The following FRMPD4 variants were observed in gnomAD, a reference collection of about 807,000 sequenced individuals.
FRMPD4 encodes the protein FERM and PDZ domain containing 4.
In FRMPD4, 22 loss-of-function variants were observed where a neutral mutation model predicts 94.1. The ratio of observed to expected loss-of-function variants is 0.23; its 90% CI spans 0.17 to 0.33. The LOEUF is 0.33. FRMPD4 is among the 10% of genes least tolerant of loss of function. The probability of loss-of-function intolerance (pLI) is 1.00; values close to 1 mark genes in which losing one functional copy is unlikely to be tolerated. For missense variants in FRMPD4, 1,111 were observed against 1,339.9 expected (o/e 0.83, Z 2.67); for synonymous variants, 631 against 548.6 (o/e 1.15, Z -2.10).
chrX:12,306,401 C>A (rs1160810562), intron 1 of FRMPD4, among the ~76,000 whole-genome samples: 2 of 111,967 alleles, frequency 1.8e-5, no homozygotes, highest in Non-Finnish European at 3.8e-5. Context: ...CAGTGACGAG[C>A]ATTTAGGAAA....
At position 12,213,567 on chromosome X, in the gene FRMPD4, C is replaced by T. The variant is rs140934785; in HGVS notation, c.41+74555C>T. 1.9e-3 allele frequency among the ~76,000 whole-genome samples: 212 copies of T among 111,968 alleles called. 1 individual carries two copies. Among genetic ancestry groups the T allele is most frequent in the African/African-American group, 6.5e-3 (202 of 30,898 alleles). On this transcript the variant is annotated intron_variant, in intron 1 of 16. Transcript: ENST00000675598. ...TGGCTCAATTTTTGTTTGTAGGTTC[C>T]TAATGACTGATGGACATTTAATCAT...
chrX:12,039,580 A>C (rs1218949263), intron 3 of FRMPD4, among the ~76,000 whole-genome samples: 1 of 111,133 alleles, frequency 9.0e-6, no homozygotes, highest in Non-Finnish European at 1.9e-5. Context: ...TTGTTGGAGA[A>C]CATACATTAA....
chrX:12,494,672 G>T (rs185657434), intron 1 of FRMPD4, among the ~76,000 whole-genome samples: 5 of 111,856 alleles, frequency 4.5e-5, no homozygotes, highest in Non-Finnish European at 7.5e-5. Flanking sequence ...TTAGAGGCAT[G>T]AACGCAGGAG....
chrX:12,316,341 C>T (rs189798215), intron 1 of FRMPD4, among the ~76,000 whole-genome samples: 27 of 109,055 alleles, frequency 2.5e-4, no homozygotes, highest in Non-Finnish European at 4.6e-4. Context: ...TTAGTAGAGA[C>T]GAGGTTTCAC....
At position 12,722,518 on chromosome X, in the gene FRMPD4, A is replaced by T. The variant is rs1305085582; in HGVS notation, c.*660A>T. 8.9e-6 allele frequency: 1 copy of T among 111,861 alleles called. No individual in the cohort carries two copies. Among genetic ancestry groups the T allele is most frequent in the Non-Finnish European group, 1.9e-5 (1 of 53,181 alleles). 9.2% of individuals were successfully genotyped at this position (111,861 alleles called of 1,213,427 possible). On this transcript the variant is annotated 3_prime_UTR_variant, in exon 17 of 17. Coordinates refer to ENST00000675598, the MANE Select transcript of FRMPD4 (RefSeq NM_001368397.1). ...GGATGGATTCTACTGTGTCAGCACA[A>T]ATGCTCTTCACAGTGGTTCTAGCAT...
chrX:12,210,217 T>A (rs1034612380), intron 1 of FRMPD4, among the ~76,000 whole-genome samples: 9 of 112,367 alleles, frequency 8.0e-5, no homozygotes, highest in African/African-American at 2.9e-4. Flanking sequence ...CAAGTGTTAA[T>A]ACATCAAACA....
intron 3 of FRMPD4, among the ~76,000 whole-genome samples, chrX:12,101,737 G>C (rs1371315550): frequency 1.8e-5 from 2 of 111,278 alleles, no homozygotes. Context: ...AGGAAAGGAA[G>C]AAAGAAAGGA....
chrX:11,984,560 T>A (rs978559924), intron 3 of FRMPD4, among the ~76,000 whole-genome samples: 8 of 112,646 alleles, frequency 7.1e-5, no homozygotes, highest in Admixed American at 6.6e-4. Context: ...TTTGCTTGAC[T>A]TTAATTTTTC....
In FRMPD4 at chrX:11,845,766, C is replaced by G. The variant is rs1413146951; in HGVS notation, c.-160-19320C>G. On this transcript the variant is annotated intron_variant, in intron 1 of 18. Coordinates refer to the FRMPD4 transcript ENST00000640291. ...ATGTAATCCAGCATATAAACAGAACCAAAGACAAAAACCACATGATTATCT... is the reference window on the plus strand; with the variant it reads ...ATGTAATCCAGCATATAAACAGAACGAAAGACAAAAACCACATGATTATCT... 2.7e-5 allele frequency among the ~76,000 whole-genome samples: 3 copies of G among 109,646 alleles called. No homozygotes were observed. The East Asian group carries it at 8.5e-4, about 31-fold the overall frequency.
chrX:12,062,033 T>C (rs969017269), intron 3 of FRMPD4, among the ~76,000 whole-genome samples: 4 of 111,982 alleles, frequency 3.6e-5, no homozygotes, highest in Non-Finnish European at 5.6e-5. Context: ...AAATTTTTAA[T>C]TAATAAACTA....
chrX:12,539,711 G>A (rs747744521), intron 2 of FRMPD4, among the ~76,000 whole-genome samples: 40 of 109,732 alleles, frequency 3.6e-4, no homozygotes, highest in African/African-American at 1.3e-3. Flanking sequence ...TCAGCTCACC[G>A]CAACCTCCGC....
In FRMPD4 at chrX:12,710,386, C is replaced by G. The variant is rs1318997319; in HGVS notation, c.1471-13C>G. ...AATGGATGGCTTTAACCAAAGTGTT[C>G]TCTTTTGTGTAGCCTATCACGCTTC... On this transcript the variant is annotated splice_polypyrimidine_tract_variant and intron_variant, in intron 13 of 16. Coordinates refer to ENST00000675598, the MANE Select transcript of FRMPD4 (RefSeq NM_001368397.1). 1 of 1,191,764 alleles carries G rather than the reference C, an allele frequency of 8.4e-7. No homozygotes were observed. The highest frequency in any genetic ancestry group is 2.2e-5 in the Admixed American group (1 of 45,251).
At chrX:12,659,567 C>T (rs191465800) in intron 4 of FRMPD4, among the ~76,000 whole-genome samples, 221 of 112,345 alleles carry the variant, frequency 2.0e-3, no homozygotes, top group African/African-American at 6.6e-3. Flanking sequence ...CTGTGACACC[C>T]ATAAATGTCT....
At chrX:12,053,359 GAAGAAAGA>G (rs57459327) in intron 3 of FRMPD4, among the ~76,000 whole-genome samples, 8,246 of 51,271 alleles carry the variant, frequency 0.16, 673 homozygotes, top group African/African-American at 0.17. Flanking sequence ...AGGAAAGAAA[GAAGAAAGA>G]AAGAAAGAAA....
chrX:12,403,941 A>G (rs1280598365), intron 1 of FRMPD4, among the ~76,000 whole-genome samples: 1 of 111,788 alleles, frequency 8.9e-6, no homozygotes, highest in African/African-American at 3.2e-5. Flanking sequence ...ACCTCAGCCT[A>G]ATACTGTTTG....
chrX:12,051,970 C>A (rs2054821151), intron 3 of FRMPD4, among the ~76,000 whole-genome samples: 1 of 111,772 alleles, frequency 8.9e-6, no homozygotes, highest in Non-Finnish European at 1.9e-5. Context: ...AGTGGAGGTA[C>A]TTTTCAGCTG....
chrX:12,181,938 A>G (rs1385081354), intron 1 of FRMPD4, among the ~76,000 whole-genome samples: 1 of 111,534 alleles, frequency 9.0e-6, no homozygotes, highest in Non-Finnish European at 1.9e-5. Flanking sequence ...TAAATCTGCA[A>G]AAGGGTGTTC....
chrX:12,312,410 G>A (rs757926328), intron 1 of FRMPD4, among the ~76,000 whole-genome samples: 93 of 106,506 alleles, frequency 8.7e-4, no homozygotes, highest in African/African-American at 2.8e-3. Flanking sequence ...CTGCCACCAC[G>A]CCCAGCTAAT....
At chrX:12,564,596 A>G (rs990401834) in intron 2 of FRMPD4, among the ~76,000 whole-genome samples, 2 of 112,189 alleles carry the variant, frequency 1.8e-5, no homozygotes, top group African/African-American at 6.5e-5. Context: ...GGTACTTAGT[A>G]TAATAAGTGA....
Sources: gnomAD v4.1 joint callset for allele counts (sites outside exome capture counted in the v4.1 genomes callset) on GRCh38, gnomAD v4.1.1 for gene constraint, MANE v1.5 for transcripts, NCBI Gene and HGNC (gene_info 2026-07-23, HGNC 2026-07-21) for gene names.